ABCC12: variants seen among roughly 807,000 people sequenced by gnomAD.
ABCC12 encodes the protein ATP binding cassette subfamily C member 12, also known as ATP-binding cassette sub-family C member 12.
A neutral mutation model predicts 151.1 loss-of-function variants in ABCC12; 142 were observed. The ratio of observed to expected loss-of-function variants is 0.94; its 90% CI spans 0.82 to 1.08. The LOEUF is 1.08. ABCC12 is among the 50% of genes least tolerant of loss of function. ABCC12 has a pLI of 0.00. For missense variants in ABCC12, 1,638 were observed against 1,691.1 expected (o/e 0.97, Z 0.55); for synonymous variants, 645 against 646.4 (o/e 1.00, Z 0.03).
chr16:48,151,134 T>C (rs964396979), intron 2 of ABCC12, among the ~76,000 whole-genome samples: 2 of 152,146 alleles, frequency 1.3e-5, no homozygotes, highest in Non-Finnish European at 2.9e-5. Context: ...ACACATCACC[T>C]CAGCCAGGTA....
intron 29 of ABCC12, among the ~76,000 whole-genome samples, chr16:48,085,240 C>T (rs1394360656): frequency 6.6e-6 from 1 of 152,110 alleles, no homozygotes; most frequent in East Asian, 1.9e-4. Context: ...ATTCTGATGG[C>T]CCTCTTGAGC....
chr16:48,140,029 T>C (rs1964750915), intron 6 of ABCC12, among the ~76,000 whole-genome samples: 1 of 152,108 alleles, frequency 6.6e-6, no homozygotes, highest in South Asian at 2.1e-4. Flanking sequence ...AATTAATTAC[T>C]TTTTTTTAAT....
Position 48,149,222 on chromosome 16 carries a change from A to G in ABCC12, c.-50-2748T>C, listed in dbSNP as rs1422309348. On this transcript the variant is annotated intron_variant, in intron 2 of 30. Coordinates refer to ENST00000311303, the MANE Select transcript of ABCC12 (RefSeq NM_001393797.1). ...AGAAGTCAGTCAAGGAAATAAAATGAAACACTAAATAGTAGATTAACCAAA... is the reference window on the plus strand; with the variant it reads ...AGAAGTCAGTCAAGGAAATAAAATGGAACACTAAATAGTAGATTAACCAAA... Among the ~76,000 whole-genome samples, 3 of 150,946 alleles carry G rather than the reference A, an allele frequency of 2.0e-5. No homozygotes were observed. In the East Asian group the frequency reaches 5.8e-4, roughly 29 times the overall value.
At chr16:48,123,517 C>T (rs748317345) in intron 12 of ABCC12, among the ~76,000 whole-genome samples, 1 of 152,192 alleles carries the variant, frequency 6.6e-6, no homozygotes, top group African/African-American at 2.4e-5. Context: ...TCAGAAGTAC[C>T]CCGACCTCTT....
intron 2 of ABCC12, 62 bp from the exon 3 acceptor site, chr16:48,146,536 C>T (rs1965010340): frequency 1.2e-6 from 1 of 836,534 alleles, no homozygotes; most frequent in African/African-American, 1.7e-5. Context: ...GATCAGGCAG[C>T]CTCTACTTTA....
At chr16:48,130,615 C>T (rs989506590) in intron 10 of ABCC12, among the ~76,000 whole-genome samples, 173 bp downstream of exon 10, 1 of 152,190 alleles carries the variant, frequency 6.6e-6, no homozygotes, top group African/African-American at 2.4e-5. Context: ...ACTCTGCCTG[C>T]TCTGTCCTTC....
intron 24 of ABCC12, among the ~76,000 whole-genome samples, chr16:48,093,198 A>T (rs571255210): frequency 2.6e-5 from 4 of 152,126 alleles, no homozygotes; most frequent in Non-Finnish European, 4.4e-5. Context: ...CCAGCCCCAA[A>T]GCCCACAGTG....
chr16:48,154,403 C>T (rs1295288823), intron 1 of ABCC12, among the ~76,000 whole-genome samples: 5 of 152,036 alleles, frequency 3.3e-5, no homozygotes, highest in African/African-American at 1.2e-4. Flanking sequence ...TTCTGGCTTT[C>T]GTCAAATATC....
chr16:48,095,236 T>C (rs183046628), intron 24 of ABCC12, among the ~76,000 whole-genome samples: 79 of 152,298 alleles, frequency 5.2e-4, no homozygotes, highest in African/African-American at 1.7e-3. Flanking sequence ...CGAGAGCTGA[T>C]GATTTTATGA....
chr16:48,149,245 A>G (rs78578250), intron 2 of ABCC12, among the ~76,000 whole-genome samples: 2 of 109,300 alleles, frequency 1.8e-5, no homozygotes, highest in African/African-American at 8.5e-5. Flanking sequence ...TAGATTAACC[A>G]AAAAAAAAAA....
chr16:48,149,636 G>A (rs1727937864), intron 2 of ABCC12, among the ~76,000 whole-genome samples: 1 of 142,078 alleles, frequency 7.0e-6, no homozygotes, highest in African/African-American at 2.8e-5. Flanking sequence ...ATAAATTCTA[G>A]TACACTGAAA....
intron 24 of ABCC12, among the ~76,000 whole-genome samples, chr16:48,093,114 G>A (rs985754615): frequency 1.3e-5 from 2 of 152,042 alleles, no homozygotes; most frequent in East Asian, 1.9e-4. Flanking sequence ...TAATACCAGC[G>A]TCTCATGAGC....
In ABCC12 at chr16:48,109,460, C is replaced by A. The variant is rs73540869; in HGVS notation, c.2282-931G>T. On this transcript the variant is annotated intron_variant, in intron 18 of 30. Transcript: ENST00000311303. ...TCTTCCGCTCCTCCACAGAGAAATGCGAAAATGTCGACTCCAAAGCAGAAT... is the reference window on the plus strand; with the variant it reads ...TCTTCCGCTCCTCCACAGAGAAATGAGAAAATGTCGACTCCAAAGCAGAAT... Among the ~76,000 whole-genome samples, 100 of 152,178 alleles carry A rather than the reference C, an allele frequency of 6.6e-4. 1 individual carries two copies. The highest frequency in any genetic ancestry group is 2.4e-3 in the African/African-American group (100 of 41,542).
rs1384774469 is a variant in ABCC12 at position 48,115,499 on chromosome 16, G to A, written c.1905C>T (p.Ala635=). The change falls in exon 15 of 31, where the codon GCC becomes GCT. Residue 635 remains alanine, a synonymous_variant. Coordinates refer to ENST00000311303, the MANE Select transcript of ABCC12 (RefSeq NM_001393797.1). ...LLDDPLSAVD[A]HVGKHVFEEC... ...CCTCAAAGACGTGCTTCCCCACGTGGGCGTCCACGGCCGACAGGGGGTCGT... is the reference window on the plus strand; with the variant it reads ...CCTCAAAGACGTGCTTCCCCACGTGAGCGTCCACGGCCGACAGGGGGTCGT... 1.2e-6 allele frequency: 2 copies of A among 1,614,078 alleles called. No individual in the cohort carries two copies. The highest frequency in any genetic ancestry group is 1.7e-5 in the Admixed American group (1 of 60,002).
chr16:48,112,040 G>T, intron 15 of ABCC12, 130 bp from the exon 16 acceptor site: 1 of 1,171,490 alleles, frequency 8.5e-7, no homozygotes, highest in Non-Finnish European at 1.2e-6. Flanking sequence ...GGGCTGTCCT[G>T]TGCATTGTAG....
At chr16:48,107,481 C>G (rs1963536331) in intron 19 of ABCC12, 56 bp from the exon 20 acceptor site, 1 of 1,492,924 alleles carries the variant, frequency 6.7e-7, no homozygotes, top group Non-Finnish European at 9.3e-7. Flanking sequence ...ATGGCAGGGG[C>G]TGACCTTCCT....
chr16:48,088,609 G>A lies in ABCC12; in HGVS notation c.3411C>T (p.Leu1137=), dbSNP rs1047165767. The part of the protein sequence containing the change: ...MRYRDNTPLV[L]DSLNLNIQSG... ...TTTGTATGTTCAAGTTCAGGCTGTC[G>A]AGAACAAGGGGGGTGTTGTCTCTGT... The change falls in exon 26 of 31, where the codon CTC becomes CTT. Residue 1137 remains leucine (L), a synonymous_variant. Transcript: ENST00000311303. 14 of 1,614,202 alleles carry A rather than the reference G, an allele frequency of 8.7e-6. No individual in the cohort carries two copies. Among genetic ancestry groups the A allele is most frequent in the Admixed American group, 3.3e-5 (2 of 60,024 alleles).
chr16:48,133,860 G>A (rs776896454), intron 8 of ABCC12, 25 bp from the exon 9 acceptor site: 6 of 1,613,332 alleles, frequency 3.7e-6, no homozygotes, highest in Non-Finnish European at 5.1e-6. Context: ...ACAGTCCAAG[G>A]TGGTCTCATT....
intron 10 of ABCC12, 99 bp downstream of exon 10, chr16:48,130,689 C>A: frequency 1.1e-6 from 1 of 915,742 alleles, no homozygotes; most frequent in Non-Finnish European, 1.7e-6. Context: ...CAACAAGCGA[C>A]CCAGCTCTCC....
Sources: allele counts gnomAD v4.1 joint callset (sites outside exome capture counted in the v4.1 genomes callset), GRCh38; gene constraint gnomAD v4.1.1; transcripts MANE v1.5; gene names NCBI Gene and HGNC (gene_info 2026-07-23, HGNC 2026-07-21).